DOCK11: variants seen among roughly 807,000 people sequenced by gnomAD.
The protein encoded by DOCK11 is dedicator of cytokinesis 11.
In DOCK11, 70 loss-of-function variants were observed where a neutral mutation model predicts 169.1. The ratio of observed to expected loss-of-function variants is 0.41; its 90% CI spans 0.34 to 0.51. The LOEUF (loss-of-function observed/expected upper bound fraction) is 0.51, where lower values mean the gene tolerates loss of function less well. Among genes scored for constraint, DOCK11 ranks in the 20% least tolerant of loss-of-function variants. The probability of loss-of-function intolerance (pLI) is 0.10; values close to 1 mark genes in which losing one functional copy is unlikely to be tolerated. For synonymous variants in DOCK11, 529 were observed against 541.3 expected (o/e 0.98, Z 0.32); for missense variants, 1,166 against 1,538.8 (o/e 0.76, Z 4.05).
intron 1 of DOCK11, among the ~76,000 whole-genome samples, chrX:118,533,914 A>G (rs187038092): frequency 5.8e-4 from 65 of 112,463 alleles, no homozygotes; most frequent in African/African-American, 1.8e-3. Context: ...ATTATTTGCA[A>G]TAATTTGTGT....
At position 118,618,648 on chromosome X, in the gene DOCK11, T is replaced by A. The variant is rs761006734; in HGVS notation, c.3391T>A (p.Tyr1131Asn). ...AACTTCCATTGCTCTTCAGGACAAT[T>A]ATGAGATCAGATATACAGCTATCTC... Reference protein sequence around the residue: ...RETSIALQDNYEIRYTAISVI... With the variant: ...RETSIALQDNNEIRYTAISVI... Residue 1131 changes from tyrosine (Y) to asparagine (N), a missense_variant, in exon 31 of 53, where the codon TAT becomes AAT. By Grantham distance (143) the Tyr-to-Asn change is moderately radical. Coordinates refer to ENST00000276202, the MANE Select transcript of DOCK11 (RefSeq NM_144658.4). 5 of 1,206,344 alleles carry A rather than the reference T, an allele frequency of 4.1e-6. No individual in the cohort carries two copies. The East Asian group carries it at 1.5e-4, about 36-fold the overall frequency.
intron 48 of DOCK11, among the ~76,000 whole-genome samples, chrX:118,680,179 G>A (rs952603843): frequency 1.8e-5 from 2 of 109,447 alleles, no homozygotes; most frequent in Non-Finnish European, 3.8e-5. Context: ...CGCCCGCCTC[G>A]GCCTCTTAAA....
At chrX:118,590,455 C>T (rs912089295) in intron 19 of DOCK11, among the ~76,000 whole-genome samples, 153 bp downstream of exon 19, 17 of 111,543 alleles carry the variant, frequency 1.5e-4, no homozygotes, top group African/African-American at 5.5e-4. Flanking sequence ...GTGTTACTGG[C>T]CTGCTTGGTG....
intron 6 of DOCK11, among the ~76,000 whole-genome samples, chrX:118,548,697 G>A (rs1239760736): frequency 8.9e-6 from 1 of 111,872 alleles, no homozygotes; most frequent in African/African-American, 3.3e-5. Flanking sequence ...CTCCCATGCA[G>A]CATCCAGAAA....
At chrX:118,516,087 C>CTTTTTTTTTTTTTTTTTTTTTTTTT (rs1300617761) in intron 1 of DOCK11, among the ~76,000 whole-genome samples, 2 of 63,732 alleles carry the variant, frequency 3.1e-5, no homozygotes, top group Admixed American at 2.0e-4. Flanking sequence ...CTTTTCTTTT[C>CTTTTTTTTTTTTTTTTTTTTTTTTT]TTTTTCTTTT....
chrX:118,622,082 A>G (rs941907755), intron 31 of DOCK11, among the ~76,000 whole-genome samples: 1 of 112,028 alleles, frequency 8.9e-6, no homozygotes, highest in African/African-American at 3.2e-5. Context: ...TTCTACTTCT[A>G]GTTCGGCTGT....
rs1174735373 is a variant in DOCK11, at chrX:118,647,695, TATA to T, written c.4399-1246_4399-1244del. Among the ~76,000 whole-genome samples, 82 of 54,571 alleles carry T rather than the reference TATA, an allele frequency of 1.5e-3. 1 individual carries two copies. The highest frequency in any genetic ancestry group is 2.1e-3 in the Non-Finnish European group (70 of 33,170). 47.4% of individuals were successfully genotyped at this position (54,571 alleles called of 115,157 possible). On this transcript the variant is annotated intron_variant, in intron 40 of 52. Transcript: ENST00000276202. ...ATTATTATATAATATTATATTATAA[TATA>T]ATATATAATAATATAATATATAATA...
intron 7 of DOCK11, among the ~76,000 whole-genome samples, chrX:118,561,842 G>T (rs1397910103): frequency 9.0e-6 from 1 of 111,055 alleles, no homozygotes; most frequent in Non-Finnish European, 1.9e-5. Flanking sequence ...TCCAGCCTGG[G>T]TGACAGAGCA....
At chrX:118,648,900 A>G (rs779554340) in intron 40 of DOCK11, 45 bp from the exon 41 acceptor site, 2 of 1,096,441 alleles carry the variant, frequency 1.8e-6, no homozygotes, top group Middle Eastern at 3.7e-4. Flanking sequence ...TATTGATTTT[A>G]TGATTGGATT....
chrX:118,576,814 A>C (rs920314862), intron 12 of DOCK11, among the ~76,000 whole-genome samples: 1 of 112,414 alleles, frequency 8.9e-6, no homozygotes, highest in Non-Finnish European at 1.9e-5. Flanking sequence ...TGCTCAGTAA[A>C]TGTTAGCTAT....
At chrX:118,528,522 T>C (rs2011432015) in intron 1 of DOCK11, among the ~76,000 whole-genome samples, 1 of 111,365 alleles carries the variant, frequency 9.0e-6, no homozygotes, top group Non-Finnish European at 1.9e-5. Context: ...GTAGACATAG[T>C]TTTGTCTGTG....
In DOCK11 at chrX:118,685,706, A is replaced by T. The variant is rs2016843035; in HGVS notation, c.6121A>T (p.Met2041Leu). 3.3e-6 allele frequency: 4 copies of T among 1,208,780 alleles called. No individual in the cohort carries two copies. The highest frequency in any genetic ancestry group is 2.2e-5 in the Admixed American group (1 of 45,627). Residue 2041 changes from methionine to leucine, a missense_variant, in exon 53 of 53, where the codon ATG becomes TTG. Physicochemically the swap from Met to Leu is conservative, Grantham distance 15. Coordinates refer to ENST00000276202, the MANE Select transcript of DOCK11 (RefSeq NM_144658.4). ...IHEQILQEDT[M>L]HSPWMSNTLH... The stretch of plus-strand genomic sequence containing the variant: ...GTTTTAGATATTACAAGAAGACACA[A>T]TGCATTCTCCCTGGATGAGCAACAC...
intron 35 of DOCK11, among the ~76,000 whole-genome samples, chrX:118,632,153 C>T (rs1216704558): frequency 9.0e-6 from 1 of 110,879 alleles, no homozygotes; most frequent in Non-Finnish European, 1.9e-5. Context: ...TGGGGTTTCA[C>T]GGTGTTAGCC....
intron 35 of DOCK11, chrX:118,633,632 A>G (rs1451854788): frequency 1.8e-5 from 2 of 112,144 alleles, no homozygotes; most frequent in Non-Finnish European, 3.8e-5. Context: ...TGGCACTTCA[A>G]AGAGGCCTTG....
rs2012228483 is a variant in DOCK11 at position 118,545,330 on chromosome X, T to C, written c.400T>C (p.Leu134=). 1.7e-6 allele frequency: 2 copies of C among 1,197,027 alleles called. No individual in the cohort carries two copies. The highest frequency in any genetic ancestry group is 2.3e-6 in the Non-Finnish European group (2 of 887,583). ...GDFRMLPCKS[L]RPEKIPNHVF... is the part of the protein sequence containing the mutation. ...GTTCTCTTATATTTGCAGTAAATCT[T>C]TGAGACCAGAAAAGATTCCTAATCA... Residue 134 remains leucine (L), a synonymous_variant, in exon 5 of 53, where the codon TTG becomes CTG. Coordinates refer to ENST00000276202, the MANE Select transcript of DOCK11 (RefSeq NM_144658.4).
rs1402504637 is a variant in DOCK11 at position 118,639,460 on chromosome X, C to T, written c.4027C>T (p.His1343Tyr). The T allele has an allele frequency of 1.6e-5, 19 of 1,208,792 alleles. No individual in the cohort carries two copies. Among genetic ancestry groups the T allele is most frequent in the Non-Finnish European group, 2.1e-5 (19 of 894,603 alleles). ...ARVHDAWLSK[H>Y]FGIDRKSQTM... Reference sequence around the variant, plus strand: ...GGTGCATGATGCCTGGCTGTCAAAACACTTCGGAATAGACCGAAAATCGCA... The same window carrying T: ...GGTGCATGATGCCTGGCTGTCAAAATACTTCGGAATAGACCGAAAATCGCA... The change falls in exon 38 of 53, where the codon CAC (histidine) becomes TAC (tyrosine). Residue 1343 changes from histidine (H) to tyrosine (Y), a missense_variant. Physicochemically the swap from His to Tyr is moderately conservative, Grantham distance 83 (BLOSUM62 2). Coordinates refer to ENST00000276202, the MANE Select transcript of DOCK11 (RefSeq NM_144658.4).
chrX:118,564,711 TTCTCTC>T (rs369788914), intron 7 of DOCK11, among the ~76,000 whole-genome samples: 1 of 105,404 alleles, frequency 9.5e-6, no homozygotes, highest in East Asian at 3.1e-4. Flanking sequence ...TTCTTTCTCT[TTCTCTC>T]TCTCTCTTTC....
At chrX:118,647,173 G>A (rs2015697762) in intron 40 of DOCK11, among the ~76,000 whole-genome samples, 1 of 86,334 alleles carries the variant, frequency 1.2e-5, no homozygotes, top group South Asian at 4.8e-4. Flanking sequence ...GTGTGTGTGT[G>A]TGTGTGTGTG....
intron 38 of DOCK11, among the ~76,000 whole-genome samples, chrX:118,640,200 A>G (rs951719705): frequency 8.9e-6 from 1 of 112,311 alleles, no homozygotes; most frequent in Non-Finnish European, 1.9e-5. Flanking sequence ...CGGAAGCTAG[A>G]GGGTTATATA....
Sources: allele counts gnomAD v4.1 joint callset (sites outside exome capture counted in the v4.1 genomes callset), GRCh38; gene constraint gnomAD v4.1.1; transcripts MANE v1.5; gene names NCBI Gene and HGNC (gene_info 2026-07-23, HGNC 2026-07-21).